The following BOLL variants were observed in gnomAD, a reference collection of about 807,000 sequenced individuals.
The protein encoded by BOLL is protein boule-like.
A neutral mutation model predicts 44.4 loss-of-function variants in BOLL; 23 were observed. That is an observed-to-expected ratio of 0.52 (90% confidence interval 0.37 to 0.73). BOLL has a LOEUF of 0.73. BOLL is among the 30% of genes least tolerant of loss of function. The pLI is 0.00. For missense variants in BOLL, 287 were observed against 338.3 expected, an observed-to-expected ratio of 0.85 and a Z score of 1.19; for synonymous variants, 97 against 110.8, an observed-to-expected ratio of 0.88 and a Z score of 0.78.
chr2:197,766,443 AAGT>A (rs1689001634), intron 7 of BOLL, 86 bp downstream of exon 7: 2 of 1,077,344 alleles, frequency 1.9e-6, no homozygotes, highest in East Asian at 5.0e-5. Flanking sequence ...GTAATTAGCA[AAGT>A]AGTTGCATGA....
intron 7 of BOLL, 28 bp from the exon 8 acceptor site, chr2:197,757,428 C>T: frequency 6.3e-7 from 1 of 1,593,328 alleles, no homozygotes; most frequent in Non-Finnish European, 8.6e-7. Context: ...AAAAGAAAAA[C>T]CCATTCTGAT....
intron 10 of BOLL, among the ~76,000 whole-genome samples, chr2:197,737,807 CAATTTACTTCTG>C (rs1373696717): frequency 6.6e-6 from 1 of 152,082 alleles, no homozygotes; most frequent in Non-Finnish European, 1.5e-5. Flanking sequence ...GATCCCTCTC[CAATTTACTTCTG>C]AATCATACTT....
rs747368316 is a variant in BOLL, at chr2:197,728,499, C to T, written c.*56G>A. The T allele has an allele frequency of 3.0e-5, 48 of 1,613,720 alleles. No individual in the cohort carries two copies. The highest frequency in any genetic ancestry group is 6.7e-5 in the East Asian group (3 of 44,892). ...GTTCGTTGAAGCTGGATCTCGGCCA[C>T]GCAAGGATCATTGGACAAGAAATCA... On this transcript the variant is annotated 3_prime_UTR_variant, in exon 11 of 11. Transcript: ENST00000392296.
chr2:197,782,929 A>C (rs1283436501), intron 1 of BOLL, among the ~76,000 whole-genome samples: 1 of 152,158 alleles, frequency 6.6e-6, no homozygotes, highest in South Asian at 2.1e-4. Context: ...AGAGGACATA[A>C]TTTAAATTTT....
chr2:197,767,341 T>C (rs1159855090), intron 6 of BOLL, among the ~76,000 whole-genome samples: 1 of 152,028 alleles, frequency 6.6e-6, no homozygotes, highest in Non-Finnish European at 1.5e-5. Flanking sequence ...TTGTTTTGTT[T>C]AATGTTTGCA....
At chr2:197,777,224 A>G (rs1022502373) in intron 3 of BOLL, 111 bp from the exon 4 acceptor site, 1 of 594,334 alleles carries the variant, frequency 1.7e-6, no homozygotes, top group African/African-American at 2.0e-5. Context: ...CTGTAGGAGT[A>G]GGCATGTTTC....
At position 197,781,824 on chromosome 2, in the gene BOLL, G is replaced by A; in HGVS notation, c.27C>T (p.Ser9=). The A allele has an allele frequency of 6.2e-7, 1 of 1,605,132 alleles. No individual in the cohort carries two copies. Among genetic ancestry groups the A allele is most frequent in the Non-Finnish European group, 8.5e-7 (1 of 1,173,936 alleles). The change falls in exon 2 of 11, where the codon TCC becomes TCT. Residue 9 remains serine, a synonymous_variant. Transcript: ENST00000392296. The part of the protein sequence containing the change: MQTDSLSP[S]PNPVSPVPLN... ...AAGGCACAGGTGACACAGGATTAGGGGATGGAGATAATGAATCTGTTTGCA... is the reference window on the plus strand; with the variant it reads ...AAGGCACAGGTGACACAGGATTAGGAGATGGAGATAATGAATCTGTTTGCA...
chr2:197,769,478 A>G (rs1689139940), intron 6 of BOLL, among the ~76,000 whole-genome samples: 1 of 152,142 alleles, frequency 6.6e-6, no homozygotes, highest in Non-Finnish European at 1.5e-5. Flanking sequence ...CCTATTCAAC[A>G]CAGTGTTGAA....
rs372015936 is a variant in BOLL at position 197,743,089 on chromosome 2, G to C, written c.800C>G (p.Ala267Gly). Reference sequence around the variant, plus strand: ...AATTGGCTCAGGCTGCATCACAGGCGCAGGCATAGTGATGGCACTTGGAGC... The same window carrying C: ...AATTGGCTCAGGCTGCATCACAGGCCCAGGCATAGTGATGGCACTTGGAGC... ...VYAPSAITMP[A>G]PVMQPEPIKT... is the part of the protein sequence containing the mutation. Residue 267 changes from alanine (A) to glycine (G), a missense_variant, in exon 10 of 11, where the codon GCG (alanine) becomes GGG (glycine). Transcript: ENST00000392296. 6.2e-7 allele frequency: 1 copy of C among 1,602,680 alleles called. No homozygotes were observed. The highest frequency in any genetic ancestry group is 2.3e-5 in the East Asian group (1 of 44,320).
At chr2:197,748,668 C>G (rs1688097367) in intron 9 of BOLL, among the ~76,000 whole-genome samples, 1 of 152,236 alleles carries the variant, frequency 6.6e-6, no homozygotes, top group African/African-American at 2.4e-5. Flanking sequence ...GCCACTGTAG[C>G]CAGACTGCCT....
intron 10 of BOLL, among the ~76,000 whole-genome samples, chr2:197,733,565 T>G (rs1329768339): frequency 6.6e-6 from 1 of 151,918 alleles, no homozygotes; most frequent in East Asian, 1.9e-4. Flanking sequence ...CAAACTATAC[T>G]ACAAGGCTAC....
In BOLL at chr2:197,766,531, C is replaced by A; in HGVS notation, c.552+1G>T. 6.2e-7 allele frequency: 1 copy of A among 1,601,470 alleles called. No individual in the cohort carries two copies. The highest frequency in any genetic ancestry group is 8.6e-7 in the Non-Finnish European group (1 of 1,169,230). On this transcript the variant is annotated splice_donor_variant, in intron 7 of 10. Transcript: ENST00000392296. LOFTEE classifies it high-confidence loss of function. ...GAATTTTAATTGTAATTTATGTTTA[C>A]CTGGTAGTGATATGCAGGTTGCTGA... is the stretch of plus-strand genomic sequence containing the variant.
upstream of BOLL, chr2:197,785,423 C>T (rs1340789532): frequency 1.0e-6 from 1 of 974,372 alleles, no homozygotes; most frequent in Admixed American, 6.0e-5. The surrounding 1 kb of genome is among the most constrained non-coding windows in gnomAD (Gnocchi z 6.7). Context: ...GCGGGCAGTC[C>T]TCCTTCACTT....
intron 7 of BOLL, chr2:197,758,854 G>A (rs1688628207): frequency 9.2e-7 from 1 of 1,088,264 alleles, no homozygotes; most frequent in East Asian, 2.7e-5. Flanking sequence ...TAAAAAACCA[G>A]CTTGCAGTCC....
At chr2:197,746,096 C>A (rs1687976300) in intron 9 of BOLL, among the ~76,000 whole-genome samples, 1 of 152,128 alleles carries the variant, frequency 6.6e-6, no homozygotes, top group Admixed American at 6.6e-5. Flanking sequence ...GCAATTGCCA[C>A]ATCCCAATAC....
intron 3 of BOLL, among the ~76,000 whole-genome samples, chr2:197,778,591 T>C (rs907784482): frequency 3.3e-5 from 5 of 151,884 alleles, no homozygotes; most frequent in Admixed American, 3.3e-4. Context: ...AGACATTTCT[T>C]GGTGTCAGCT....
At position 197,781,591 on chromosome 2, in the gene BOLL, A is replaced by C; in HGVS notation, c.129+131T>G. 5 of 942,810 alleles carry C rather than the reference A, an allele frequency of 5.3e-6. No individual in the cohort carries two copies. In the South Asian group the frequency reaches 9.1e-5, roughly 17 times the overall value. The allele number at this position is 942,810 out of a possible 1,614,324, so 58.4% of individuals were successfully genotyped here. ...TACATGCTGGTTGAAAAGATTCTTTATAATAAGATAATTCAAAATCTGTTA... is the reference window on the plus strand; with the variant it reads ...TACATGCTGGTTGAAAAGATTCTTTCTAATAAGATAATTCAAAATCTGTTA... On this transcript the variant is annotated intron_variant, in intron 2 of 10. Transcript: ENST00000392296.
intron 6 of BOLL, among the ~76,000 whole-genome samples, chr2:197,769,581 T>C (rs905804471): frequency 1.4e-4 from 21 of 152,128 alleles, no homozygotes; most frequent in Admixed American, 2.6e-4. Flanking sequence ...GCAGATGACA[T>C]GATTGTATAT....
intron 3 of BOLL, 124 bp downstream of exon 3, chr2:197,778,851 A>G: frequency 1.5e-6 from 1 of 679,982 alleles, no homozygotes; most frequent in East Asian, 2.8e-5. Flanking sequence ...AAAAGGTAGG[A>G]GGAAAGAAGA....
Sources: gnomAD v4.1 joint callset for allele counts (sites outside exome capture counted in the v4.1 genomes callset) on GRCh38, gnomAD v4.1.1 for gene constraint, Gnocchi (gnomAD v3.1) non-coding constraint, MANE v1.5 for transcripts, NCBI Gene and HGNC (gene_info 2026-07-23, HGNC 2026-07-21) for gene names.